Variants in NEDD9 observed in about 807,000 individuals in gnomAD.
NEDD9 encodes neural precursor cell expressed, developmentally down-regulated 9, also known as enhancer of filamentation 1.
NEDD9 carries 26 observed loss-of-function variants against 76.6 expected under a neutral mutation model. The observed-to-expected ratio is 0.34, with a 90% CI of 0.25 to 0.47. NEDD9 has a LOEUF of 0.47. NEDD9 is among the 20% of genes least tolerant of loss of function. NEDD9 has a pLI of 1.00. For missense variants in NEDD9, 937 were observed against 1,058.5 expected, an observed-to-expected ratio of 0.89 and a Z score of 1.59; for synonymous variants, 392 against 414.2, an observed-to-expected ratio of 0.95 and a Z score of 0.65.
chr6:11,258,245 G>A (rs1760042854), intron 3 of NEDD9, among the ~76,000 whole-genome samples: 1 of 152,170 alleles, frequency 6.6e-6, no homozygotes, highest in Admixed American at 6.5e-5. Context: ...TTCTGAGCCT[G>A]CCATGTGCTT....
intron 2 of NEDD9, among the ~76,000 whole-genome samples, chr6:11,312,305 C>T (rs559682715): frequency 6.6e-6 from 1 of 152,300 alleles, no homozygotes; most frequent in African/African-American, 2.4e-5. Flanking sequence ...GGGCCTCATC[C>T]TAATGGTTTC....
intron 2 of NEDD9, among the ~76,000 whole-genome samples, chr6:11,316,811 T>C (rs1013093748): frequency 6.6e-6 from 1 of 152,228 alleles, no homozygotes; most frequent in African/African-American, 2.4e-5. Flanking sequence ...TAGTAACTGA[T>C]TTGAATTACA....
At position 11,213,305 on chromosome 6, in the gene NEDD9, G is replaced by A. The variant is rs1346535711; in HGVS notation, c.435C>T (p.Thr145=). The part of the protein sequence containing the change: ...PPSVQRSIGG[T]SGPHVGKKVI... ...CCTTTTTACCCACGTGGGGCCCACTGGTTCCCCCAATGCTTCTCTGCACTG... is the reference window on the plus strand; with the variant it reads ...CCTTTTTACCCACGTGGGGCCCACTAGTTCCCCCAATGCTTCTCTGCACTG... Residue 145 remains threonine (T), a synonymous_variant, in exon 2 of 7, where the codon ACC becomes ACT. Transcript: ENST00000379446. The surrounding 1 kb of genome is among the most constrained non-coding windows in gnomAD (Gnocchi z 5.4). The A allele has an allele frequency of 1.2e-6, 2 of 1,607,878 alleles. No homozygotes were observed. The highest frequency in any genetic ancestry group is 1.7e-6 in the Non-Finnish European group (2 of 1,175,000).
intron 2 of NEDD9, among the ~76,000 whole-genome samples, chr6:11,206,060 T>G (rs1261554950): frequency 3.3e-5 from 5 of 152,260 alleles, no homozygotes; most frequent in Non-Finnish European, 7.3e-5. Context: ...GAAGTGCTTT[T>G]GATTGCTGAC....
chr6:11,346,452 T>C (rs1161060788), intron 1 of NEDD9, among the ~76,000 whole-genome samples: 1 of 149,914 alleles, frequency 6.7e-6, no homozygotes, highest in African/African-American at 2.4e-5. Context: ...TCACTTTCGT[T>C]GTACTGTTAT....
chr6:11,215,698 G>C (rs1758933977), intron 1 of NEDD9, among the ~76,000 whole-genome samples: 1 of 152,174 alleles, frequency 6.6e-6, no homozygotes, highest in Non-Finnish European at 1.5e-5. Context: ...CCTTTCTTCT[G>C]GGCCCATTCA....
rs1162384383 is a variant in NEDD9 at position 11,370,318 on chromosome 6, C to G, written c.-214+11821G>C. ...ATGCTCTGACCAAAACCATTCTTTG[C>G]TCTGCTATGTAGAGTAGAGCTTTGT... On this transcript the variant is annotated intron_variant, in intron 1 of 3. Transcript: ENST00000397378. The surrounding 1 kb of genome is among the most constrained non-coding windows in gnomAD (Gnocchi z 4.2). 1.3e-5 allele frequency among the ~76,000 whole-genome samples: 2 copies of G among 152,204 alleles called. No individual in the cohort carries two copies. Among genetic ancestry groups the G allele is most frequent in the African/African-American group, 4.8e-5 (2 of 41,458 alleles).
chr6:11,281,400 G>A (rs1246846162), intron 3 of NEDD9, among the ~76,000 whole-genome samples: 1 of 152,214 alleles, frequency 6.6e-6, no homozygotes, highest in Non-Finnish European at 1.5e-5. Context: ...GAGGTTGCTG[G>A]TAAAGTTTCT....
rs530235801 is a variant in NEDD9 at position 11,253,266 on chromosome 6, G to A, written c.13-39539C>T. On this transcript the variant is annotated intron_variant, in intron 3 of 3. Coordinates refer to the NEDD9 transcript ENST00000397378. The stretch of plus-strand genomic sequence containing the variant: ...AAGTATCACTTTGCAGGATTGCAAA[G>A]GAGGAAAAGATATAATGAAATCAGA... 7.9e-5 allele frequency among the ~76,000 whole-genome samples: 12 copies of A among 152,308 alleles called. No homozygotes were observed. The East Asian group carries it at 2.1e-3, about 27-fold the overall frequency.
intron 1 of NEDD9, among the ~76,000 whole-genome samples, chr6:11,354,279 TG>T (rs1245504611): frequency 2.6e-5 from 4 of 152,146 alleles, no homozygotes; most frequent in Non-Finnish European, 5.9e-5. Flanking sequence ...CTGGAAAACG[TG>T]GGGGCAACCA....
chr6:11,350,798 C>A (rs562871712), intron 1 of NEDD9, among the ~76,000 whole-genome samples: 4 of 152,148 alleles, frequency 2.6e-5, no homozygotes, highest in Middle Eastern at 3.4e-3. Context: ...AGCAAGTGGT[C>A]GGGATGCCCT....
chr6:11,291,526 G>C (rs1044600101), intron 3 of NEDD9, among the ~76,000 whole-genome samples: 3 of 151,990 alleles, frequency 2.0e-5, no homozygotes, highest in Non-Finnish European at 4.4e-5. Flanking sequence ...AACCTGCCTC[G>C]GGCTCCCAAA....
At position 11,185,344 on chromosome 6, in the gene NEDD9, T is replaced by C. The variant is rs1757948627; in HGVS notation, c.2323A>G (p.Lys775Glu). ...RQVTAQDIRNKVMNSSNQLCE... is the reference protein window; with the variant it reads ...RQVTAQDIRNEVMNSSNQLCE... ...AGCTGGTTGCTGGAGTTCATGACTT[T>C]GTTGCGAATGTCCTGGGCAGTCACC... The change falls in exon 7 of 7, where the codon AAA becomes GAA. Residue 775 changes from lysine (K) to glutamate (E), a missense_variant. Transcript: ENST00000379446. 1.2e-6 allele frequency: 2 copies of C among 1,614,092 alleles called. No homozygotes were observed. Among genetic ancestry groups the C allele is most frequent in the Non-Finnish European group, 1.7e-6 (2 of 1,180,046 alleles).
intron 1 of NEDD9, among the ~76,000 whole-genome samples, chr6:11,220,745 T>C (rs1388442485): frequency 6.6e-6 from 1 of 152,206 alleles, no homozygotes; most frequent in African/African-American, 2.4e-5. Flanking sequence ...CTGACCAGAT[T>C]TGGTAACATG....
intron 1 of NEDD9, among the ~76,000 whole-genome samples, chr6:11,357,457 C>A (rs899492009): frequency 7.9e-5 from 12 of 152,168 alleles, no homozygotes; most frequent in African/African-American, 2.9e-4. Context: ...GCTAGGCACA[C>A]CCCAAATAAA....
At position 11,195,141 on chromosome 6, in the gene NEDD9, C is replaced by G. The variant is rs148315904; in HGVS notation, c.460-1449G>C. Among the ~76,000 whole-genome samples, 27 of 152,318 alleles carry G rather than the reference C, an allele frequency of 1.8e-4. No individual in the cohort carries two copies. In the East Asian group the frequency reaches 5.2e-3, roughly 29 times the overall value. ...TATGCTGAAATGGGTGGAACTCAGC[C>G]AAATGCACCAATGCCTTCTCCCCAG... On this transcript the variant is annotated intron_variant, in intron 2 of 6. Coordinates refer to ENST00000379446, the MANE Select transcript of NEDD9 (RefSeq NM_006403.4).
chr6:11,359,866 C>T (rs183352303), intron 1 of NEDD9, among the ~76,000 whole-genome samples: 62 of 152,300 alleles, frequency 4.1e-4, no homozygotes, highest in African/African-American at 1.3e-3. Context: ...TCGTTTGAGA[C>T]CTGTTTCATG....
chr6:11,329,654 G>A (rs1761993111), intron 2 of NEDD9, among the ~76,000 whole-genome samples: 1 of 152,160 alleles, frequency 6.6e-6, no homozygotes, highest in Non-Finnish European at 1.5e-5. Flanking sequence ...AAGCACGCTT[G>A]CAGATGTCCT....
intron 1 of NEDD9, among the ~76,000 whole-genome samples, chr6:11,230,086 A>G (rs1759425490): frequency 6.6e-6 from 1 of 152,246 alleles, no homozygotes; most frequent in Non-Finnish European, 1.5e-5. Context: ...CTGGGATTTT[A>G]CCATCTAATA....
Sources: allele counts gnomAD v4.1 joint callset (sites outside exome capture counted in the v4.1 genomes callset), GRCh38; gene constraint gnomAD v4.1.1; non-coding constraint Gnocchi (gnomAD v3.1); transcripts MANE v1.5; gene names NCBI Gene and HGNC (gene_info 2026-07-23, HGNC 2026-07-21).